Variants in SPIDR observed in about 807,000 individuals in gnomAD.
SPIDR encodes the protein scaffold protein involved in DNA repair.
In SPIDR, 93 loss-of-function variants were observed where a neutral mutation model predicts 104.6. That is an observed-to-expected ratio of 0.89 (90% confidence interval 0.75 to 1.06). The LOEUF is 1.06. SPIDR is among the 50% of genes least tolerant of loss of function. SPIDR has a pLI of 0.00. For synonymous variants in SPIDR, 431 were observed against 416.9 expected, an observed-to-expected ratio of 1.03 and a Z score of -0.41; for missense variants, 1,154 against 1,111.2, an observed-to-expected ratio of 1.04 and a Z score of -0.55.
intron 1 of SPIDR, among the ~76,000 whole-genome samples, chr8:47,278,755 A>T (rs1020068683): frequency 6.6e-6 from 1 of 152,120 alleles, no homozygotes; most frequent in Non-Finnish European, 1.5e-5. Flanking sequence ...CTACAGGTGC[A>T]TGCCACCACG....
chr8:47,617,147 T>C (rs1333977740), intron 10 of SPIDR, among the ~76,000 whole-genome samples: 1 of 152,228 alleles, frequency 6.6e-6, no homozygotes, highest in Admixed American at 6.5e-5. Flanking sequence ...ATGATGTATC[T>C]CTGCTGGCAT....
intron 8 of SPIDR, among the ~76,000 whole-genome samples, chr8:47,447,877 T>A (rs1179350286): frequency 6.6e-6 from 1 of 152,232 alleles, no homozygotes; most frequent in Non-Finnish European, 1.5e-5. Flanking sequence ...CTGCATTTTT[T>A]ACCAATAAAG....
At chr8:47,495,555 C>T (rs1024178930) in intron 8 of SPIDR, among the ~76,000 whole-genome samples, 1 of 152,002 alleles carries the variant, frequency 6.6e-6, no homozygotes, top group Admixed American at 6.6e-5. Flanking sequence ...TCCAGCTTAT[C>T]TATTTTTTTA....
At chr8:47,706,253 C>T (rs1231885319) in intron 14 of SPIDR, among the ~76,000 whole-genome samples, 4 of 152,204 alleles carry the variant, frequency 2.6e-5, no homozygotes, top group East Asian at 3.9e-4. Context: ...ATTAGCCGGG[C>T]GTGGTGGCAG....
At chr8:47,414,989 C>T (rs377054428) in intron 7 of SPIDR, among the ~76,000 whole-genome samples, 3 of 152,018 alleles carry the variant, frequency 2.0e-5, no homozygotes, top group Non-Finnish European at 2.9e-5. Context: ...CTGCAAGCTC[C>T]GCCTCCTGGG....
chr8:47,673,378 T>C (rs1284521936), intron 10 of SPIDR: 2 of 456,514 alleles, frequency 4.4e-6, no homozygotes, highest in African/African-American at 2.0e-5. Flanking sequence ...CTTTTCTCAG[T>C]ATCGAGCATC....
At chr8:47,652,015 C>T (rs373140560) in intron 10 of SPIDR, among the ~76,000 whole-genome samples, 96 of 152,202 alleles carry the variant, frequency 6.3e-4, no homozygotes, top group South Asian at 5.8e-3. Flanking sequence ...GTACACTACT[C>T]GGGTGATGGG....
chr8:47,721,713 G>T (rs1393482689), intron 16 of SPIDR, among the ~76,000 whole-genome samples: 2 of 152,000 alleles, frequency 1.3e-5, no homozygotes, highest in Non-Finnish European at 2.9e-5. Flanking sequence ...CTGACCTCGT[G>T]ATCCACCCAC....
At chr8:47,607,036 A>T (rs2063049359) in intron 10 of SPIDR, among the ~76,000 whole-genome samples, 1 of 152,208 alleles carries the variant, frequency 6.6e-6, no homozygotes, top group Non-Finnish European at 1.5e-5. Flanking sequence ...TGGCAGAATG[A>T]CTATTCATCC....
intron 5 of SPIDR, among the ~76,000 whole-genome samples, chr8:47,327,596 T>G (rs1000561581): frequency 6.6e-6 from 1 of 152,082 alleles, no homozygotes; most frequent in African/African-American, 2.4e-5. Context: ...AGAGTCCTGT[T>G]CTGTTGCCCA....
At chr8:47,713,740 C>T (rs768694180) in intron 16 of SPIDR, 99 bp downstream of exon 16, 79 of 1,473,494 alleles carry the variant, frequency 5.4e-5, no homozygotes, top group East Asian at 2.8e-4. Context: ...GTGGAGCACC[C>T]GCTAAGTTCC....
chr8:47,321,896 A>G (rs1216568563), intron 5 of SPIDR, among the ~76,000 whole-genome samples: 1 of 152,226 alleles, frequency 6.6e-6, no homozygotes, highest in Admixed American at 6.5e-5. Context: ...AGCCATATGT[A>G]GAAAAGTGAA....
chr8:47,346,280 A>G (rs553086273), intron 5 of SPIDR, among the ~76,000 whole-genome samples: 7 of 152,296 alleles, frequency 4.6e-5, no homozygotes, highest in African/African-American at 1.2e-4. Context: ...TGATTTGCGT[A>G]TATTGAATGA....
chr8:47,568,547 A>G (rs1263519181), intron 8 of SPIDR, among the ~76,000 whole-genome samples: 3 of 152,312 alleles, frequency 2.0e-5, no homozygotes, highest in East Asian at 1.9e-4. Flanking sequence ...TCAGAAAATC[A>G]TGGTCAAGTT....
chr8:47,418,105 G>C (rs1452380838), intron 7 of SPIDR, among the ~76,000 whole-genome samples: 1 of 152,080 alleles, frequency 6.6e-6, no homozygotes, highest in Non-Finnish European at 1.5e-5. Flanking sequence ...CTGGCAATGC[G>C]GGCTCTTTTT....
At chr8:47,661,668 A>G (rs1028638912) in intron 10 of SPIDR, among the ~76,000 whole-genome samples, 7 of 152,234 alleles carry the variant, frequency 4.6e-5, no homozygotes, top group African/African-American at 1.7e-4. Flanking sequence ...ACAACCACAC[A>G]CAGTGAGCGT....
intron 1 of SPIDR, among the ~76,000 whole-genome samples, chr8:47,266,199 G>A (rs112705358): frequency 0.018 from 2,672 of 146,696 alleles, 84 homozygotes; most frequent in African/African-American, 0.065. Flanking sequence ...GCGCGATCTC[G>A]GCTCACTGCA....
intron 3 of SPIDR, among the ~76,000 whole-genome samples, chr8:47,288,168 G>A (rs1206051379): frequency 2.6e-5 from 4 of 152,014 alleles, no homozygotes; most frequent in Non-Finnish European, 1.5e-5. Flanking sequence ...TTTGATTTCT[G>A]TATTGTAGTT....
chr8:47,487,215 A>G (rs555978565), intron 8 of SPIDR, among the ~76,000 whole-genome samples: 39 of 152,286 alleles, frequency 2.6e-4, no homozygotes, highest in African/African-American at 8.7e-4. Flanking sequence ...CTAGTCTCTC[A>G]TGAAACAGAC....
Sources: allele counts gnomAD v4.1 joint callset (sites outside exome capture counted in the v4.1 genomes callset), GRCh38; gene constraint gnomAD v4.1.1; transcripts MANE v1.5; gene names NCBI Gene and HGNC (gene_info 2026-07-23, HGNC 2026-07-21).